Variants in ANK3 observed in about 807,000 individuals in gnomAD.
The protein encoded by ANK3 is ankyrin-3.
ANK3 carries 57 observed loss-of-function variants against 370.9 expected under a neutral mutation model. That is an observed-to-expected ratio of 0.15 (90% CI 0.12 to 0.19). The LOEUF (loss-of-function observed/expected upper bound fraction) is 0.19. ANK3 is among the 10% of genes least tolerant of loss of function. ANK3 has a pLI of 1.00. For missense variants in ANK3, 4,439 were observed against 5,302.1 expected (o/e 0.84, Z 5.06); for synonymous variants, 1,929 against 1,946.3 (o/e 0.99, Z 0.23).
chr10:60,195,301 G>A (rs1344002157), intron 16 of ANK3, among the ~76,000 whole-genome samples: 4 of 151,068 alleles, frequency 2.6e-5, no homozygotes, highest in East Asian at 2.0e-4. Context: ...GGAGAATGGC[G>A]TGAACCCCGG....
chr10:60,378,857 A>G (rs1428203330), intron 1 of ANK3, among the ~76,000 whole-genome samples: 1 of 152,080 alleles, frequency 6.6e-6, no homozygotes, highest in African/African-American at 2.4e-5. Flanking sequence ...AAACTTGATT[A>G]TATCAAACTA....
chr10:60,227,541 A>G (rs771635865), intron 8 of ANK3, among the ~76,000 whole-genome samples: 2 of 152,134 alleles, frequency 1.3e-5, no homozygotes, highest in African/African-American at 4.8e-5. Context: ...GTTGGACTAC[A>G]TTGTATAGAT....
chr10:60,407,134 C>G (rs1168957386), intron 2 of ANK3, among the ~76,000 whole-genome samples: 1 of 152,218 alleles, frequency 6.6e-6, no homozygotes, highest in Non-Finnish European at 1.5e-5. Flanking sequence ...CTTTCTCACA[C>G]TAAACTAGAG....
At chr10:60,642,734 T>A (rs974873658) in intron 1 of ANK3, among the ~76,000 whole-genome samples, 1 of 152,054 alleles carries the variant, frequency 6.6e-6, no homozygotes, top group Non-Finnish European at 1.5e-5. Flanking sequence ...CCTATGTAAC[T>A]AACCTGCACA....
At chr10:60,344,497 A>G (rs1292753634) in intron 1 of ANK3, among the ~76,000 whole-genome samples, 1 of 152,188 alleles carries the variant, frequency 6.6e-6, no homozygotes, top group Non-Finnish European at 1.5e-5. Context: ...ACAAAGACGC[A>G]CAGCAAAGAG....
chr10:60,125,637 T>C (rs2093718182), intron 25 of ANK3, among the ~76,000 whole-genome samples: 2 of 152,132 alleles, frequency 1.3e-5, no homozygotes, highest in African/African-American at 4.8e-5. Context: ...GAAATTAGCT[T>C]ATGTGAAAGA....
intron 1 of ANK3, among the ~76,000 whole-genome samples, chr10:60,683,405 T>C (rs1346468735): frequency 6.6e-6 from 1 of 152,226 alleles, no homozygotes; most frequent in Non-Finnish European, 1.5e-5. Context: ...AAATCCATGC[T>C]ACCAAACTTC....
Position 60,560,084 on chromosome 10 carries a change from T to G in ANK3, c.96+55102A>C, listed in dbSNP as rs370162462. Among the ~76,000 whole-genome samples the G allele has an allele frequency of 1.4e-4, 22 of 151,952 alleles. No homozygotes were observed. In the South Asian group the frequency reaches 3.3e-3, roughly 23 times the overall value. The stretch of plus-strand genomic sequence containing the variant: ...AGATGGATAGAGAGAGAGAGAGAGA[T>G]AGAAAAATATAATTGGCATATTTAT... On this transcript the variant is annotated intron_variant, in intron 2 of 43. Transcript: ENST00000373827.
chr10:60,356,918 A>G (rs1358818462), intron 1 of ANK3, among the ~76,000 whole-genome samples: 2 of 152,206 alleles, frequency 1.3e-5, no homozygotes, highest in African/African-American at 2.4e-5. Flanking sequence ...CATGTTGGCC[A>G]GGCTGGTCTT....
rs181287214 is a variant in ANK3, at chr10:60,408,737, C to A, written c.97-129098G>T. ...AAGTGCTATCTCAAGAGATCCCTTC[C>A]CGAGTGCATACACAGAAAACGCTTC... On this transcript the variant is annotated intron_variant, in intron 2 of 43. Transcript: ENST00000373827. Among the ~76,000 whole-genome samples the A allele has an allele frequency of 4.7e-4, 71 of 152,260 alleles. No individual in the cohort carries two copies. The East Asian group carries it at 8.7e-3, about 19-fold the overall frequency.
chr10:60,153,206 T>C (rs2095214093), intron 23 of ANK3, among the ~76,000 whole-genome samples: 1 of 152,212 alleles, frequency 6.6e-6, no homozygotes, highest in South Asian at 2.1e-4. Flanking sequence ...AAGCTTTGGA[T>C]GGTTTTAAGC....
intron 2 of ANK3, among the ~76,000 whole-genome samples, chr10:60,451,032 T>C (rs1429545047): frequency 6.6e-6 from 1 of 152,136 alleles, no homozygotes; most frequent in Non-Finnish European, 1.5e-5. Flanking sequence ...TCCAATGACA[T>C]GTGTCTTAAC....
chr10:60,652,734 C>A (rs959617402), intron 1 of ANK3, among the ~76,000 whole-genome samples: 2 of 148,510 alleles, frequency 1.3e-5, no homozygotes, highest in African/African-American at 4.9e-5. Flanking sequence ...AGAAATGGGA[C>A]CACGAAGGTT....
chr10:60,695,407 GACTTCT>G (rs1211388547), intron 1 of ANK3, among the ~76,000 whole-genome samples: 1 of 152,104 alleles, frequency 6.6e-6, no homozygotes, highest in Non-Finnish European at 1.5e-5. Flanking sequence ...AGACCTAATA[GACTTCT>G]ACAGAACTCT....
rs140741466 is a variant in ANK3 at position 60,073,412 on chromosome 10, G to T, written c.7469C>A (p.Pro2490His). 1 of 1,613,614 alleles carries T rather than the reference G, an allele frequency of 6.2e-7. No homozygotes were observed. Among genetic ancestry groups the T allele is most frequent in the Non-Finnish European group, 8.5e-7 (1 of 1,179,968 alleles). The change falls in exon 37 of 44, where the codon CCC becomes CAC. Residue 2490 changes from proline (P) to histidine (H), a missense_variant. Physicochemically the swap from Pro to His is moderately conservative, Grantham distance 77 (BLOSUM62 -2). Coordinates refer to ENST00000280772, the MANE Select transcript of ANK3 (RefSeq NM_020987.5). ...AGACCCCTGTAACTCTGAGCTAGGG[G>T]GTCCTGCATGGTCTGTAACCGATTC... ...TEESVTDHAGPPSSELQGSDK... is the reference protein window; with the variant it reads ...TEESVTDHAGHPSSELQGSDK...
At chr10:60,588,164 TTATTA>T (rs2077858537) in intron 2 of ANK3, among the ~76,000 whole-genome samples, 12 of 43,434 alleles carry the variant, frequency 2.8e-4, no homozygotes, top group East Asian at 6.8e-4. Context: ...TCAGTTTTTA[TTATTA>T]TTATTATTAT....
chr10:60,329,949 T>C (rs1286126358), intron 1 of ANK3, among the ~76,000 whole-genome samples: 1 of 152,014 alleles, frequency 6.6e-6, no homozygotes, highest in African/African-American at 2.4e-5. Context: ...TATAGACCAA[T>C]GAAACAGAAC....
intron 23 of ANK3, chr10:60,140,848 T>G (rs942327553): frequency 1.0e-6 from 1 of 990,924 alleles, no homozygotes; most frequent in Middle Eastern, 5.2e-4. Flanking sequence ...ACAGCCTTCA[T>G]GTAGGGAGAG....
At chr10:60,527,872 G>C (rs2076511060) in intron 2 of ANK3, among the ~76,000 whole-genome samples, 1 of 152,028 alleles carries the variant, frequency 6.6e-6, no homozygotes, top group South Asian at 2.1e-4. Flanking sequence ...CTATAGGTCT[G>C]TCTGCACTAC....
Sources: gnomAD v4.1 joint callset for allele counts (sites outside exome capture counted in the v4.1 genomes callset) on GRCh38, gnomAD v4.1.1 for gene constraint, MANE v1.5 for transcripts, NCBI Gene and HGNC (gene_info 2026-07-23, HGNC 2026-07-21) for gene names.